Variants in SLC16A1 observed in about 807,000 individuals in gnomAD.
SLC16A1 encodes the protein solute carrier family 16 member 1, also known as monocarboxylate transporter 1.
In SLC16A1, 11 loss-of-function variants were observed where a neutral mutation model predicts 32.2. The ratio of observed to expected loss-of-function variants is 0.34; its 90% CI spans 0.21 to 0.56. SLC16A1 has a LOEUF of 0.56. SLC16A1 is among the 20% of genes least tolerant of loss of function. The pLI is 0.87. For missense variants in SLC16A1, 435 were observed against 615.0 expected, an observed-to-expected ratio of 0.71 and a Z score of 3.10; for synonymous variants, 231 against 226.8, an observed-to-expected ratio of 1.02 and a Z score of -0.17.
chr1:112,914,425 G>C (rs1158845587), intron 4 of SLC16A1, among the ~76,000 whole-genome samples: 1 of 152,196 alleles, frequency 6.6e-6, no homozygotes, highest in Non-Finnish European at 1.5e-5. Context: ...GGAAATGGAA[G>C]AGACGTAGTG....
Position 112,913,996 on chromosome 1 carries a change from G to A in SLC16A1, c.1398C>T (p.Thr466=). The change falls in exon 5 of 5, where the codon ACC becomes ACT. Residue 466 remains threonine (T), a synonymous_variant. Transcript: ENST00000369626. Reference sequence around the variant, plus strand: ...TTGGCTTCCCAGCAACATCTATACTGGTCTCTTCCTCTTTACTTTCCTTTT... The same window carrying A: ...TTGGCTTCCCAGCAACATCTATACTAGTCTCTTCCTCTTTACTTTCCTTTT... The part of the protein sequence containing the change: ...EQKKESKEEE[T]SIDVAGKPNE... 3 of 1,614,060 alleles carry A rather than the reference G, an allele frequency of 1.9e-6. No individual in the cohort carries two copies. Among genetic ancestry groups the A allele is most frequent in the Middle Eastern group, 1.6e-4 (1 of 6,062 alleles).
At chr1:112,923,610 C>T (rs1648820460) in intron 2 of SLC16A1, 2 of 1,408,660 alleles carry the variant, frequency 1.4e-6, no homozygotes, top group Non-Finnish European at 2.0e-6. Flanking sequence ...CTCCCTGAAA[C>T]CTGACAGTCT....
chr1:112,917,007 C>A lies in SLC16A1; in HGVS notation c.1228+171G>T. On this transcript the variant is annotated intron_variant, in intron 4 of 4. Coordinates refer to ENST00000369626, the MANE Select transcript of SLC16A1 (RefSeq NM_003051.4). This position sits in a 1 kb window ranked among gnomAD's most constrained non-coding sequence, Gnocchi z 4.1. The stretch of plus-strand genomic sequence containing the variant: ...CTTGATGGTTCCATTTAATTAGATT[C>A]TATATTTGAGCAATTATGCTGTGCC... 1.2e-6 allele frequency: 1 copy of A among 820,444 alleles called. No homozygotes were observed. The highest frequency in any genetic ancestry group is 1.5e-5 in the South Asian group (1 of 67,434). The allele number at this position is 820,444 out of a possible 1,614,324, so 50.8% of individuals were successfully genotyped here.
At chr1:112,923,628 C>T in intron 2 of SLC16A1, 1 of 1,431,196 alleles carries the variant, frequency 7.0e-7, no homozygotes, top group East Asian at 2.3e-5. Flanking sequence ...TCTCCGGTTC[C>T]AGCTGGAGAC....
Position 112,912,450 on chromosome 1 carries a change from GCATTGAATATAATT to G in SLC16A1, c.*1427_*1440del, listed in dbSNP as rs1383931160. On this transcript the variant is annotated 3_prime_UTR_variant, in exon 5 of 5. Coordinates refer to ENST00000369626, the MANE Select transcript of SLC16A1 (RefSeq NM_003051.4). ...TGTCAATTACAGTGGTATTTTAAAT[GCATTGAATATAATT>G]CATTGAATGTCTGTATCTTTCTGCC... The G allele has an allele frequency of 2.0e-5, 3 of 152,292 alleles. No homozygotes were observed. Among genetic ancestry groups the G allele is most frequent in the African/African-American group, 7.2e-5 (3 of 41,562 alleles). 9.4% of individuals were successfully genotyped at this position (152,292 alleles called of 1,614,324 possible).
chr1:112,941,229 A>G (rs1412095120), intron 1 of SLC16A1, among the ~76,000 whole-genome samples: 3 of 152,170 alleles, frequency 2.0e-5, no homozygotes, highest in Admixed American at 1.3e-4. Flanking sequence ...TAGTATAAAA[A>G]AAGAGTTCTT....
chr1:112,917,951 G>C lies in SLC16A1; in HGVS notation c.455C>G (p.Ala152Gly). 1.9e-6 allele frequency: 3 copies of C among 1,590,424 alleles called. No individual in the cohort carries two copies. The highest frequency in any genetic ancestry group is 1.7e-6 in the Non-Finnish European group (2 of 1,173,774). ...RRPLANGLAM[A>G]GSPVFLCTLA... The stretch of plus-strand genomic sequence containing the variant: ...AGTACAGAGGAACACAGGGCTGCCT[G>C]CCATGGCCAGTCCGTTGGCCAATGG... Residue 152 changes from alanine to glycine, a missense_variant, in exon 4 of 5, where the codon GCA becomes GGA. Ala to Gly is a moderately conservative substitution (Grantham distance 60). Around this residue, in one of 2 missense-constraint regions of SLC16A1, gnomAD observed 324 missense variants for 500.3 expected, o/e 0.65. Coordinates refer to ENST00000369626, the MANE Select transcript of SLC16A1 (RefSeq NM_003051.4). This position sits in a 1 kb window ranked among gnomAD's most constrained non-coding sequence, Gnocchi z 4.1.
At chr1:112,928,984 T>A in intron 2 of SLC16A1, 108 bp downstream of exon 2, 1 of 810,958 alleles carries the variant, frequency 1.2e-6, no homozygotes. Flanking sequence ...AAATAACATT[T>A]CAAAACATCT....
At chr1:112,925,392 A>G (rs945233972) in intron 2 of SLC16A1, among the ~76,000 whole-genome samples, 20 of 149,514 alleles carry the variant, frequency 1.3e-4, no homozygotes, top group African/African-American at 4.7e-4. Flanking sequence ...TTTTTTTTTT[A>G]AATTTGAGAC....
intron 3 of SLC16A1, among the ~76,000 whole-genome samples, chr1:112,919,741 C>G (rs1042322394): frequency 9.2e-5 from 14 of 152,216 alleles, no homozygotes; most frequent in Non-Finnish European, 1.8e-4. Flanking sequence ...ACCATTCTTA[C>G]ATTTGTTAAT....
chr1:112,912,081 C>T lies in SLC16A1; in HGVS notation c.*1810G>A, dbSNP rs1648340688. ...CTATCTGCCATGATGCCCAGGCATA[C>T]AAAGGGAGTTTTTCATTGTTTCCTT... is the stretch of plus-strand genomic sequence containing the variant. On this transcript the variant is annotated 3_prime_UTR_variant, in exon 5 of 5. Transcript: ENST00000369626. 1.3e-5 allele frequency: 2 copies of T among 152,226 alleles called. No individual in the cohort carries two copies. The highest frequency in any genetic ancestry group is 2.9e-5 in the Non-Finnish European group (2 of 68,048). The allele number at this position is 152,226 out of a possible 1,614,324, so 9.4% of individuals were successfully genotyped here. A position where few individuals can be genotyped will look rare whatever the true frequency, so the allele number is the denominator to read the frequency against.
At chr1:112,918,126 G>T in intron 3 of SLC16A1, 82 bp from the exon 4 acceptor site, 1 of 1,055,176 alleles carries the variant, frequency 9.5e-7, no homozygotes, top group Non-Finnish European at 1.2e-6. Flanking sequence ...ATAATGGAAG[G>T]AATAGGATAT....
chr1:112,930,395 A>AG (rs925747926), intron 1 of SLC16A1, among the ~76,000 whole-genome samples: 2 of 152,012 alleles, frequency 1.3e-5, no homozygotes, highest in African/African-American at 4.8e-5. Flanking sequence ...ACTGTGTAAG[A>AG]GGAAAAAAAA....
chr1:112,940,696 A>G (rs1383337360), intron 1 of SLC16A1, among the ~76,000 whole-genome samples: 1 of 152,208 alleles, frequency 6.6e-6, no homozygotes, highest in African/African-American at 2.4e-5. Flanking sequence ...ACTGTACATC[A>G]TTTAGGCTCT....
chr1:112,919,182 C>T (rs934237783), intron 3 of SLC16A1, among the ~76,000 whole-genome samples: 1 of 152,004 alleles, frequency 6.6e-6, no homozygotes, highest in African/African-American at 2.4e-5. Context: ...AGGCGCCCGC[C>T]ACCATGCCCG....
At chr1:112,938,388 T>C (rs1432923940) in intron 1 of SLC16A1, among the ~76,000 whole-genome samples, 1 of 152,156 alleles carries the variant, frequency 6.6e-6, no homozygotes, top group Non-Finnish European at 1.5e-5. Context: ...ATTCAAAGTC[T>C]AGGAAACCTC....
chr1:112,923,224 CA>C (rs1286515232), intron 2 of SLC16A1, among the ~76,000 whole-genome samples: 1 of 152,094 alleles, frequency 6.6e-6, no homozygotes, highest in Non-Finnish European at 1.5e-5. Flanking sequence ...GAGGCTGAGG[CA>C]GAAGAATCAT....
chr1:112,942,218 T>A (rs1405004838), intron 1 of SLC16A1, among the ~76,000 whole-genome samples: 1 of 152,150 alleles, frequency 6.6e-6, no homozygotes, highest in Non-Finnish European at 1.5e-5. Context: ...GTGATCAGCC[T>A]ACCTCAGCCT....
intron 4 of SLC16A1, among the ~76,000 whole-genome samples, chr1:112,915,980 T>C (rs190620951): frequency 6.6e-6 from 1 of 152,334 alleles, no homozygotes; most frequent in East Asian, 1.9e-4. Flanking sequence ...ATTAATTTTC[T>C]AGCTGTATGA....
Sources: allele counts gnomAD v4.1 joint callset (sites outside exome capture counted in the v4.1 genomes callset), GRCh38; gene constraint gnomAD v4.1.1; regional missense constraint gnomAD v4.1.1; non-coding constraint Gnocchi (gnomAD v3.1); transcripts MANE v1.5; gene names NCBI Gene and HGNC (gene_info 2026-07-23, HGNC 2026-07-21).